The following GALNT16 variants were observed in gnomAD, a reference collection of about 807,000 sequenced individuals.
GALNT16 encodes UDP-GalNAc:polypeptide N-acetylgalactosaminyltransferase-like protein 1.
GALNT16 carries 40 observed loss-of-function variants against 76.1 expected under a neutral mutation model. The observed-to-expected ratio is 0.53, with a 90% CI of 0.41 to 0.68. GALNT16 has a LOEUF of 0.68. Ranked by LOEUF, GALNT16 falls within the 30% of genes least tolerant of loss-of-function variation. The pLI is 0.00. For missense variants in GALNT16, 621 were observed against 731.9 expected (o/e 0.85, Z 1.75); for synonymous variants, 276 against 285.2 (o/e 0.97, Z 0.32).
At chr14:69,284,503 G>A (rs569886672) in intron 1 of GALNT16, among the ~76,000 whole-genome samples, 50 of 152,244 alleles carry the variant, frequency 3.3e-4, no homozygotes, top group Admixed American at 9.8e-4. Flanking sequence ...TAATGCTCCC[G>A]GGTGGAAAAC....
chr14:69,335,940 T>C (rs903332544), intron 9 of GALNT16, among the ~76,000 whole-genome samples: 5 of 152,098 alleles, frequency 3.3e-5, no homozygotes, highest in Non-Finnish European at 5.9e-5. Flanking sequence ...TTTTAAAACA[T>C]AGATTATGTT....
chr14:69,268,692 A>G (rs1189909027), intron 1 of GALNT16, among the ~76,000 whole-genome samples: 2 of 152,240 alleles, frequency 1.3e-5, no homozygotes, highest in Admixed American at 6.5e-5. Context: ...GAGAAAATAA[A>G]CAGAAAGATA....
At chr14:69,290,427 G>A (rs904126484) in intron 1 of GALNT16, among the ~76,000 whole-genome samples, 1 of 152,242 alleles carries the variant, frequency 6.6e-6, no homozygotes, top group African/African-American at 2.4e-5. Flanking sequence ...GCTGGGAACA[G>A]CACGGCAGGG....
chr14:69,324,307 CAG>C (rs1414324473), intron 2 of GALNT16, among the ~76,000 whole-genome samples: 6 of 152,120 alleles, frequency 3.9e-5, no homozygotes, highest in Non-Finnish European at 8.8e-5. Context: ...TCAGGACAAA[CAG>C]AGGTAGTTTT....
intron 5 of GALNT16, among the ~76,000 whole-genome samples, chr14:69,328,153 T>C (rs954961388): frequency 6.6e-6 from 1 of 152,102 alleles, no homozygotes; most frequent in Admixed American, 6.5e-5. Context: ...AACTACTTTA[T>C]TGCACTTTCC....
At position 69,324,773 on chromosome 14, in the gene GALNT16, G is replaced by A. The variant is rs1202673187; in HGVS notation, c.417G>A (p.Leu139=). The change falls in exon 3 of 15, where the codon CTG becomes CTA. Residue 139 remains leucine, a synonymous_variant. Transcript: ENST00000448469. The part of the protein sequence containing the change: ...ITFHNEARST[L]LRTVKSVLNR... ...TCCACAATGAGGCCCGTTCCACCCTGCTGCGCACAGTGAAGAGGTAAGTCC... is the reference window on the plus strand; with the variant it reads ...TCCACAATGAGGCCCGTTCCACCCTACTGCGCACAGTGAAGAGGTAAGTCC... 2.5e-6 allele frequency: 4 copies of A among 1,609,894 alleles called. No individual in the cohort carries two copies. The highest frequency in any genetic ancestry group is 3.4e-6 in the Non-Finnish European group (4 of 1,177,442).
At chr14:69,344,864 C>T (rs1418789430) in intron 12 of GALNT16, among the ~76,000 whole-genome samples, 1 of 152,228 alleles carries the variant, frequency 6.6e-6, no homozygotes, top group Non-Finnish European at 1.5e-5. Flanking sequence ...AAATGTAACA[C>T]ATTGCTCCTG....
At position 69,353,420 on chromosome 14, in the gene GALNT16, C is replaced by T. The variant is rs2045662782; in HGVS notation, c.*1252C>T. The T allele has an allele frequency of 6.6e-6, 1 of 152,300 alleles. No homozygotes were observed. The highest frequency in any genetic ancestry group is 6.5e-5 in the Admixed American group (1 of 15,284). 9.4% of individuals were successfully genotyped at this position (152,300 alleles called of 1,614,324 possible). On this transcript the variant is annotated 3_prime_UTR_variant, in exon 15 of 15. Transcript: ENST00000448469. ...GTGAAGAGAACTCCCAGTTCCTTTT[C>T]ACAGCCGCTGAGAACACATCCACAC... is the stretch of plus-strand genomic sequence containing the variant.
chr14:69,267,981 A>G (rs553395865), intron 1 of GALNT16, among the ~76,000 whole-genome samples: 2 of 152,318 alleles, frequency 1.3e-5, no homozygotes, highest in East Asian at 3.9e-4. Flanking sequence ...CCTCGACCAC[A>G]TGTATTAAGA....
intron 1 of GALNT16, among the ~76,000 whole-genome samples, chr14:69,313,875 C>T (rs1044717752): frequency 1.3e-5 from 2 of 152,212 alleles, no homozygotes; most frequent in Non-Finnish European, 2.9e-5. Context: ...AAACCAGACT[C>T]GCGGTTAGCC....
intron 7 of GALNT16, chr14:69,332,720 T>A: frequency 1.0e-5 from 2 of 191,994 alleles, no homozygotes; most frequent in Non-Finnish European, 2.1e-5. Context: ...GGTATCTTCA[T>A]GGATCTATCC....
At chr14:69,304,339 A>G (rs1454533836) in intron 1 of GALNT16, among the ~76,000 whole-genome samples, 1 of 152,254 alleles carries the variant, frequency 6.6e-6, no homozygotes, top group African/African-American at 2.4e-5. Context: ...TAATTTTATA[A>G]GTGAAGAGAT....
intron 2 of GALNT16, among the ~76,000 whole-genome samples, 196 bp from the exon 3 acceptor site, chr14:69,324,496 G>A (rs12896878): frequency 6.6e-6 from 1 of 151,922 alleles, no homozygotes; most frequent in Non-Finnish European, 1.5e-5. Context: ...AGGACCCCAG[G>A]ATGGGTGGCA....
At chr14:69,378,680 G>C in the GALNT16 span, among the ~76,000 whole-genome samples, 4 of 152,114 alleles carry the variant, frequency 2.6e-5, no homozygotes, top group Non-Finnish European at 4.4e-5. Flanking sequence ...CTAGAACCCA[G>C]ATACTTTCTC....
At chr14:69,379,619 T>C in the GALNT16 span, among the ~76,000 whole-genome samples, 1 of 152,160 alleles carries the variant, frequency 6.6e-6, no homozygotes, top group African/African-American at 2.4e-5. Flanking sequence ...ATGATTGACA[T>C]GATTGGAAGT....
intron 1 of GALNT16, among the ~76,000 whole-genome samples, chr14:69,308,998 C>T (rs536171011): frequency 6.6e-6 from 1 of 152,274 alleles, no homozygotes; most frequent in Admixed American, 6.5e-5. Flanking sequence ...CTTTTGTTTT[C>T]TGTAATTTTT....
intron 1 of GALNT16, 24 bp downstream of exon 1, chr14:69,260,491 C>G: frequency 1.5e-6 from 2 of 1,353,386 alleles, no homozygotes; most frequent in Non-Finnish European, 1.9e-6. Context: ...GAGCGTCGGC[C>G]GGCCGGCTAG....
chr14:69,330,444 A>G (rs2045338718), intron 6 of GALNT16, among the ~76,000 whole-genome samples: 2 of 152,240 alleles, frequency 1.3e-5, no homozygotes, highest in Non-Finnish European at 2.9e-5. Context: ...GATAGTGGTG[A>G]TGGTTGTACA....
intron 1 of GALNT16, among the ~76,000 whole-genome samples, chr14:69,286,740 C>A (rs1219596480): frequency 6.6e-6 from 1 of 152,180 alleles, no homozygotes; most frequent in Non-Finnish European, 1.5e-5. Flanking sequence ...GGTTGACTGA[C>A]AGATGAAAGG....
Sources: gnomAD v4.1 joint callset for allele counts (sites outside exome capture counted in the v4.1 genomes callset) on GRCh38, gnomAD v4.1.1 for gene constraint, MANE v1.5 for transcripts, NCBI Gene and HGNC (gene_info 2026-07-23, HGNC 2026-07-21) for gene names.